Variants in KIAA1210 observed in about 807,000 individuals in gnomAD.
KIAA1210 encodes the protein KIAA1210.
KIAA1210 carries 48 observed loss-of-function variants against 78.9 expected under a neutral mutation model. The observed-to-expected ratio is 0.61, with a 90% confidence interval of 0.48 to 0.77. KIAA1210 has a LOEUF of 0.77. Ranked by LOEUF, KIAA1210 falls within the 30% of genes least tolerant of loss-of-function variation. The pLI is 0.00. For synonymous variants in KIAA1210, 406 were observed against 404.5 expected (o/e 1.00, Z -0.04); for missense variants, 1,108 against 1,100.0 (o/e 1.01, Z -0.10).
At chrX:119,118,826 G>A (rs548965115) in intron 2 of KIAA1210, among the ~76,000 whole-genome samples, 2 of 112,243 alleles carry the variant, frequency 1.8e-5, no homozygotes, top group African/African-American at 6.5e-5. Context: ...TATTTATTAA[G>A]GTCAAGTACT....
At position 119,081,289 on chromosome X, in the gene KIAA1210, A is replaced by AC. The variant is rs765625208; in HGVS notation, c.*39dup. ...CTCAAAAAAAAAAAAAAAAAAAAAA[A>AC]CTAAATAAAATAAATGCTGATGCTC... On this transcript the variant is annotated 3_prime_UTR_variant, in exon 12 of 12. Coordinates refer to ENST00000691062, the MANE Select transcript of KIAA1210 (RefSeq NM_001394962.1). 5.8e-6 allele frequency: 5 copies of AC among 863,304 alleles called. No homozygotes were observed. Among genetic ancestry groups the AC allele is most frequent in the Non-Finnish European group, 1.6e-6 (1 of 642,568 alleles). 71.1% of individuals were successfully genotyped at this position (863,304 alleles called of 1,213,427 possible).
upstream of KIAA1210, among the ~76,000 whole-genome samples, chrX:119,132,670 G>T (rs1181930102): frequency 9.0e-6 from 1 of 111,487 alleles, no homozygotes; most frequent in African/African-American, 3.3e-5. Flanking sequence ...TCACTCTGTT[G>T]CCCAGGCTAG....
chrX:119,081,638 T>A, intron 11 of KIAA1210, 134 bp from the exon 12 acceptor site: 1 of 601,221 alleles, frequency 1.7e-6, no homozygotes, highest in Non-Finnish European at 2.5e-6. Flanking sequence ...CTTTCTAAAC[T>A]CTTCTCCCTT....
Position 119,088,982 on chromosome X carries a change from T to C in KIAA1210, c.1720A>G (p.Ser574Gly), listed in dbSNP as rs1418920583. The C allele has an allele frequency of 1.7e-6, 2 of 1,210,519 alleles. No individual in the cohort carries two copies. Among genetic ancestry groups the C allele is most frequent in the Non-Finnish European group, 2.2e-6 (2 of 895,327 alleles). The change falls in exon 9 of 12, where the codon AGT becomes GGT. Residue 574 changes from serine to glycine, a missense_variant. Physicochemically the swap from Ser to Gly is moderately conservative, Grantham distance 56. Transcript: ENST00000691062. The part of the protein sequence containing the change: ...TFTASVLGMT[S>G]TTAKGDVYAK... ...TAAACATCTCCTTTGGCTGTAGTAC[T>C]TGTCATACCCAAAACACTTGCTGTA...
chrX:119,100,211 T>C (rs937460610), intron 6 of KIAA1210, among the ~76,000 whole-genome samples: 8 of 108,303 alleles, frequency 7.4e-5, no homozygotes, highest in Non-Finnish European at 1.5e-4. Flanking sequence ...ACACCTGTAG[T>C]CCCAGCTACT....
At chrX:119,083,928 G>A (rs1927044908) in intron 10 of KIAA1210, among the ~76,000 whole-genome samples, 1 of 101,418 alleles carries the variant, frequency 9.9e-6, no homozygotes, top group Non-Finnish European at 2.0e-5. Flanking sequence ...GAGCCTGGGA[G>A]GTTGACACTA....
At chrX:119,125,414 C>A (rs1017336080) in intron 1 of KIAA1210, among the ~76,000 whole-genome samples, 1 of 109,633 alleles carries the variant, frequency 9.1e-6, no homozygotes, top group Admixed American at 9.9e-5. Context: ...ATGTGTATCA[C>A]AGCATTGTTT....
In KIAA1210 at chrX:119,089,076, T is replaced by G; in HGVS notation, c.1626A>C (p.Lys542Asn). 4 of 1,211,920 alleles carry G rather than the reference T, an allele frequency of 3.3e-6. No individual in the cohort carries two copies. Among genetic ancestry groups the G allele is most frequent in the Non-Finnish European group, 4.5e-6 (4 of 895,383 alleles). ...FSFDLQKAQSKMESAQDVQTI... is the reference protein window; with the variant it reads ...FSFDLQKAQSNMESAQDVQTI... ...TTTGAACATCCTGGGCTGACTCCAT[T>G]TTGGATTGGGCCTTTTGTAAATCAA... Residue 542 changes from lysine (K) to asparagine (N), a missense_variant, in exon 9 of 12, where the codon AAA (lysine) becomes AAC (asparagine). Coordinates refer to ENST00000691062, the MANE Select transcript of KIAA1210 (RefSeq NM_001394962.1).
At chrX:119,113,476 T>C (rs1385444937) in intron 3 of KIAA1210, among the ~76,000 whole-genome samples, 1 of 111,820 alleles carries the variant, frequency 8.9e-6, no homozygotes, top group Non-Finnish European at 1.9e-5. Context: ...AATTCATTCA[T>C]GGGAAATGTT....
rs373864121 is a variant in KIAA1210, at chrX:119,081,439, T to C, written c.4492A>G (p.Thr1498Ala). ...AMEKETKRSS[T>A]LPAKFQNPVE... ...GGGTTCTGGAACTTGGCTGGGAGAGTTGAAGATCGTTTGGTTTCTTTTTCC... is the reference window on the plus strand; with the variant it reads ...GGGTTCTGGAACTTGGCTGGGAGAGCTGAAGATCGTTTGGTTTCTTTTTCC... The change falls in exon 12 of 12, where the codon ACT becomes GCT. Residue 1498 changes from threonine (T) to alanine (A), a missense_variant. By Grantham distance (58) the Thr-to-Ala change is moderately conservative. Transcript: ENST00000691062. 18 of 1,207,464 alleles carry C rather than the reference T, an allele frequency of 1.5e-5. No homozygotes were observed. In the South Asian group the frequency reaches 2.7e-4, roughly 18 times the overall value.
In KIAA1210 at chrX:119,144,715, G is replaced by A. The variant is rs925389005; in HGVS notation, c.410+2758C>T. The stretch of plus-strand genomic sequence containing the variant: ...TTATCACAAATCTCTAGCAATAATT[G>A]CTAACATCTCTCAAATTCTTACTGT... On this transcript the variant is annotated intron_variant, in intron 2 of 13. Transcript: ENST00000402510. Among the ~76,000 whole-genome samples the A allele has an allele frequency of 8.0e-5, 9 of 112,084 alleles. No individual in the cohort carries two copies. In the East Asian group the frequency reaches 1.7e-3, roughly 21 times the overall value.
At chrX:119,099,410 C>G (rs1163540755) in intron 6 of KIAA1210, among the ~76,000 whole-genome samples, 2 of 112,084 alleles carry the variant, frequency 1.8e-5, no homozygotes, top group Non-Finnish European at 3.8e-5. Context: ...TAGCTTGACT[C>G]TCACTAAGGA....
At chrX:119,103,824 T>C (rs1359591418) in intron 6 of KIAA1210, among the ~76,000 whole-genome samples, 2 of 112,205 alleles carry the variant, frequency 1.8e-5, no homozygotes, top group Admixed American at 9.4e-5. Flanking sequence ...AAACACATTA[T>C]GCTAAGTGAA....
intron 7 of KIAA1210, chrX:119,094,171 G>T: frequency 1.7e-6 from 1 of 601,650 alleles, no homozygotes; most frequent in Non-Finnish European, 2.7e-6. Flanking sequence ...TGCTTCACCA[G>T]ACCTGTGAGT....
intron 3 of KIAA1210, among the ~76,000 whole-genome samples, chrX:119,113,490 A>C (rs1025293881): frequency 1.8e-5 from 2 of 111,843 alleles, no homozygotes; most frequent in African/African-American, 6.5e-5. Flanking sequence ...AAATGTTCCC[A>C]ATAGGCAAAT....
At chrX:119,147,727 G>A in intron 1 of KIAA1210, 2 of 648,220 alleles carry the variant, frequency 3.1e-6, no homozygotes, top group Non-Finnish European at 2.3e-6. Context: ...CGGCCTAGAA[G>A]GCCAGAGGCC....
At chrX:119,148,504 AT>A (rs1238462518) in intron 1 of KIAA1210, among the ~76,000 whole-genome samples, 2 of 112,004 alleles carry the variant, frequency 1.8e-5, no homozygotes, top group East Asian at 5.6e-4. Flanking sequence ...CTTGTGCAAT[AT>A]GGTATCACAT....
chrX:119,081,254 G>A lies in KIAA1210; in HGVS notation c.*75C>T, dbSNP rs192696948. 0.013 allele frequency: 11,416 copies of A among 863,953 alleles called. 145 individuals carry two copies. The highest frequency in any genetic ancestry group is 0.081 in the Admixed American group (2,110 of 26,087). 71.2% of individuals were successfully genotyped at this position (863,953 alleles called of 1,213,427 possible). On this transcript the variant is annotated 3_prime_UTR_variant, in exon 12 of 12. Coordinates refer to ENST00000691062, the MANE Select transcript of KIAA1210 (RefSeq NM_001394962.1). ...TGCACTCCAATCTGGGTAACAGAGC[G>A]AGACTCTGTCTCAAAAAAAAAAAAA...
At chrX:119,141,151 A>T (rs1209050936) in intron 2 of KIAA1210, among the ~76,000 whole-genome samples, 1 of 109,949 alleles carries the variant, frequency 9.1e-6, no homozygotes, top group East Asian at 2.8e-4. Context: ...GGCTCAGAAG[A>T]CTCTCCCTTT....
Sources: gnomAD v4.1 joint callset for allele counts (sites outside exome capture counted in the v4.1 genomes callset) on GRCh38, gnomAD v4.1.1 for gene constraint, MANE v1.5 for transcripts, NCBI Gene and HGNC (gene_info 2026-07-23, HGNC 2026-07-21) for gene names.